The following AGK variants were observed in gnomAD, a reference collection of about 807,000 sequenced individuals.
AGK encodes acylglycerol kinase, mitochondrial.
Under a neutral mutation model 66.4 loss-of-function variants are expected in AGK, and 52 were observed. The ratio of observed to expected loss-of-function variants is 0.78; its 90% confidence interval spans 0.63 to 0.99. AGK has a LOEUF of 0.99. AGK is among the 50% of genes least tolerant of loss of function. The pLI is 0.00. For missense variants in AGK, 451 were observed against 506.6 expected, an observed-to-expected ratio of 0.89 and a Z score of 1.05; for synonymous variants, 182 against 181.1, an observed-to-expected ratio of 1.00 and a Z score of -0.04.
chr7:141,588,621 A>G (rs1796042820), intron 2 of AGK, among the ~76,000 whole-genome samples: 1 of 152,028 alleles, frequency 6.6e-6, no homozygotes, highest in Non-Finnish European at 1.5e-5. Context: ...GCCTCGGAAA[A>G]AAAAAAAAAG....
intron 2 of AGK, 30 bp from the exon 3 acceptor site, chr7:141,593,116 A>G (rs1158513729): frequency 3.1e-6 from 5 of 1,598,332 alleles, no homozygotes; most frequent in East Asian, 4.5e-5. Context: ...ATTAAAGCTA[A>G]TGATTATTCT....
rs183889595 is a variant in AGK at position 141,581,852 on chromosome 7, G to A, written c.102-11294G>A. 1.3e-3 allele frequency among the ~76,000 whole-genome samples: 202 copies of A among 152,044 alleles called. 2 individuals carry two copies. The highest frequency in any genetic ancestry group is 2.5e-3 in the South Asian group (12 of 4,820). On this transcript the variant is annotated intron_variant, in intron 2 of 15. Transcript: ENST00000649286. ...AACTAAAAAGAGTGCATAAAAGAATGTTGTCCAAGTTGGCACCAGAGTTGG... is the reference window on the plus strand; with the variant it reads ...AACTAAAAAGAGTGCATAAAAGAATATTGTCCAAGTTGGCACCAGAGTTGG...
intron 8 of AGK, 74 bp from the exon 9 acceptor site, chr7:141,621,658 G>C: frequency 1.1e-6 from 1 of 917,600 alleles, no homozygotes; most frequent in South Asian, 1.3e-5. Context: ...GTTTGTGCAT[G>C]AGTGCATGTG....
chr7:141,604,399 T>TATATATATATAC (rs1796409621), intron 5 of AGK, among the ~76,000 whole-genome samples: 1 of 144,386 alleles, frequency 6.9e-6, no homozygotes, highest in Non-Finnish European at 1.5e-5. Flanking sequence ...TATATATATA[T>TATATATATATAC]ATATACACAT....
intron 9 of AGK, among the ~76,000 whole-genome samples, chr7:141,622,813 T>C (rs1269912425): frequency 2.0e-5 from 3 of 152,116 alleles, no homozygotes; most frequent in African/African-American, 7.2e-5. Flanking sequence ...TCCAGCACTT[T>C]GGGAGGTCCA....
At chr7:141,556,540 C>CAAA (rs35273565) in intron 2 of AGK, among the ~76,000 whole-genome samples, 1 of 88,118 alleles carries the variant, frequency 1.1e-5, no homozygotes, top group African/African-American at 4.3e-5. Flanking sequence ...GACCCTGTCT[C>CAAA]AAAAAAAAAA....
rs142489126 is a variant in AGK, at chr7:141,599,890, T to G, written c.222-1315T>G. Among the ~76,000 whole-genome samples, 630 of 152,304 alleles carry G rather than the reference T, an allele frequency of 4.1e-3. 3 individuals are homozygous for G. The highest frequency in any genetic ancestry group is 0.014 in the African/African-American group (602 of 41,584). On this transcript the variant is annotated intron_variant, in intron 4 of 15. Coordinates refer to ENST00000649286, the MANE Select transcript of AGK (RefSeq NM_018238.4). ...CAGGCCCTTGGTTTGAGATATTCTT[T>G]TGGATGGTTCTTGTGAAAATTTGTG...
At chr7:141,596,676 T>C (rs1164375757) in intron 4 of AGK, 35 bp downstream of exon 4, 4 of 1,582,138 alleles carry the variant, frequency 2.5e-6, no homozygotes, top group Non-Finnish European at 3.5e-6. Context: ...ATACTTGCTT[T>C]TTCTAAGGGG....
At chr7:141,609,626 C>T (rs1796537133) in intron 5 of AGK, among the ~76,000 whole-genome samples, 1 of 152,170 alleles carries the variant, frequency 6.6e-6, no homozygotes, top group Non-Finnish European at 1.5e-5. Flanking sequence ...AGGAAGGTTC[C>T]CTTAAGCAGG....
At chr7:141,639,923 A>C (rs1797252021) in intron 11 of AGK, among the ~76,000 whole-genome samples, 1 of 152,196 alleles carries the variant, frequency 6.6e-6, no homozygotes, top group Admixed American at 6.5e-5. Flanking sequence ...TAGAAGAATA[A>C]AGACACAGGA....
intron 13 of AGK, among the ~76,000 whole-genome samples, chr7:141,646,214 G>A (rs748463609): frequency 3.3e-5 from 5 of 152,132 alleles, no homozygotes; most frequent in African/African-American, 9.7e-5. Context: ...AGAGGTTTAC[G>A]GAGGTGTCCT....
intron 10 of AGK, among the ~76,000 whole-genome samples, chr7:141,636,536 G>T (rs991807006): frequency 2.0e-5 from 3 of 152,160 alleles, no homozygotes; most frequent in African/African-American, 4.8e-5. Flanking sequence ...ATGTAGAGAT[G>T]ATTTAAAATA....
At chr7:141,629,916 G>T (rs188250656) in intron 9 of AGK, among the ~76,000 whole-genome samples, 15 of 152,240 alleles carry the variant, frequency 9.9e-5, no homozygotes, top group Admixed American at 2.0e-4. Flanking sequence ...ATACAAAAAT[G>T]TCCTCCCAAA....
intron 9 of AGK, among the ~76,000 whole-genome samples, chr7:141,627,203 TA>T (rs1415090065): frequency 6.6e-6 from 1 of 152,208 alleles, no homozygotes; most frequent in Non-Finnish European, 1.5e-5. Flanking sequence ...GGTTCTCTAT[TA>T]AAAAATAATT....
chr7:141,615,325 T>C (rs141459114), intron 7 of AGK, 146 bp from the exon 8 acceptor site: 83 of 523,316 alleles, frequency 1.6e-4, no homozygotes, highest in East Asian at 1.1e-3. Flanking sequence ...CTAGCTTTAT[T>C]TGATTACTGG....
At chr7:141,611,317 T>C in intron 6 of AGK, 30 bp downstream of exon 6, 2 of 1,528,060 alleles carry the variant, frequency 1.3e-6, no homozygotes, top group Non-Finnish European at 1.8e-6. Flanking sequence ...TGAAGCTATT[T>C]TGAAGGTGAG....
chr7:141,621,894 T>C (rs745798755), intron 9 of AGK, 93 bp downstream of exon 9: 15 of 913,644 alleles, frequency 1.6e-5, no homozygotes, highest in Non-Finnish European at 2.4e-5. Flanking sequence ...AATGAGGTTA[T>C]AATGAAAACA....
chr7:141,601,635 C>G (rs962484824), intron 5 of AGK, among the ~76,000 whole-genome samples: 1 of 152,116 alleles, frequency 6.6e-6, no homozygotes, highest in African/African-American at 2.4e-5. Context: ...GTTCCACAAA[C>G]AGGTAAACCA....
At chr7:141,578,704 G>A (rs1013171999) in intron 2 of AGK, among the ~76,000 whole-genome samples, 25 of 151,910 alleles carry the variant, frequency 1.6e-4, no homozygotes, top group African/African-American at 2.7e-4. Context: ...AGCATTTGTC[G>A]TATAGAATGA....
Sources: gnomAD v4.1 joint callset for allele counts (sites outside exome capture counted in the v4.1 genomes callset) on GRCh38, gnomAD v4.1.1 for gene constraint, MANE v1.5 for transcripts, NCBI Gene and HGNC (gene_info 2026-07-23, HGNC 2026-07-21) for gene names.